PPP1R13B: variants seen among roughly 807,000 people sequenced by gnomAD.
PPP1R13B encodes the protein protein phosphatase 1 regulatory subunit 13B, also known as apoptosis-stimulating of p53 protein 1.
PPP1R13B carries 44 observed loss-of-function variants against 119.8 expected under a neutral mutation model. The ratio of observed to expected loss-of-function variants is 0.37; its 90% CI spans 0.29 to 0.47. PPP1R13B has a LOEUF of 0.47. Among genes scored for constraint, PPP1R13B ranks in the 20% least tolerant of loss-of-function variants. PPP1R13B has a pLI of 0.99. For synonymous variants in PPP1R13B, 542 were observed against 561.5 expected (o/e 0.97, Z 0.49); for missense variants, 1,227 against 1,413.5 (o/e 0.87, Z 2.12).
intron 3 of PPP1R13B, among the ~76,000 whole-genome samples, chr14:103,784,159 G>A (rs1233883416): frequency 6.6e-6 from 1 of 152,040 alleles, no homozygotes; most frequent in Non-Finnish European, 1.5e-5. Flanking sequence ...CTGGGTGACA[G>A]AGTGAGACTC....
At position 103,847,509 on chromosome 14, in the gene PPP1R13B, C is replaced by A; in HGVS notation, c.-202G>T. On this transcript the variant is annotated 5_prime_UTR_variant, in exon 1 of 17. Coordinates refer to ENST00000202556, the MANE Select transcript of PPP1R13B (RefSeq NM_015316.3). Reference sequence around the variant, plus strand: ...CCGCCGGCGCGCTGCGTCGCTGTCCCGGGCACCCGGCCGCCGCCGCCGCCG... The same window carrying A: ...CCGCCGGCGCGCTGCGTCGCTGTCCAGGGCACCCGGCCGCCGCCGCCGCCG... 1 of 985,100 alleles carries A rather than the reference C, an allele frequency of 1.0e-6. No individual in the cohort carries two copies. Among genetic ancestry groups the A allele is most frequent in the Non-Finnish European group, 1.2e-6 (1 of 830,736 alleles). The allele number at this position is 985,100 out of a possible 1,614,324, so 61.0% of individuals were successfully genotyped here.
chr14:103,813,719 G>A (rs1441883383), intron 1 of PPP1R13B, among the ~76,000 whole-genome samples: 2 of 152,068 alleles, frequency 1.3e-5, no homozygotes, highest in Non-Finnish European at 2.9e-5. Context: ...GTAACATAGG[G>A]TGTTTTCTCC....
intron 4 of PPP1R13B, among the ~76,000 whole-genome samples, chr14:103,770,985 T>C (rs1035234600): frequency 6.6e-6 from 1 of 152,162 alleles, no homozygotes; most frequent in African/African-American, 2.4e-5. Context: ...CATTCCATTG[T>C]GGAGAGTCCA....
chr14:103,746,781 A>T (rs2084396629), intron 8 of PPP1R13B: 2 of 375,120 alleles, frequency 5.3e-6, no homozygotes, highest in Non-Finnish European at 9.6e-6. Flanking sequence ...AGCTGTACAC[A>T]TGAGGAGCTG....
chr14:103,837,264 A>G (rs923697868), intron 1 of PPP1R13B, among the ~76,000 whole-genome samples: 4 of 152,226 alleles, frequency 2.6e-5, no homozygotes, highest in Non-Finnish European at 5.9e-5. Context: ...ACTATGCTAA[A>G]GCCACTGAAC....
At chr14:103,780,085 G>T (rs952810477) in intron 3 of PPP1R13B, among the ~76,000 whole-genome samples, 3 of 151,802 alleles carry the variant, frequency 2.0e-5, no homozygotes, top group Non-Finnish European at 4.4e-5. Flanking sequence ...GGAGGCGGAG[G>T]TTGCAGTGAG....
intron 2 of PPP1R13B, among the ~76,000 whole-genome samples, chr14:103,788,632 C>A (rs1304281311): frequency 1.3e-5 from 2 of 151,734 alleles, no homozygotes; most frequent in East Asian, 3.9e-4. Context: ...GAGGCTACGA[C>A]TGCCATTGCG....
chr14:103,751,810 AT>A (rs1372382217), intron 7 of PPP1R13B, among the ~76,000 whole-genome samples: 1 of 152,220 alleles, frequency 6.6e-6, no homozygotes, highest in East Asian at 1.9e-4. Flanking sequence ...TGGGAAATAA[AT>A]GTCTATAGTT....
intron 12 of PPP1R13B, 93 bp from the exon 13 acceptor site, chr14:103,739,116 C>G (rs1401273941): frequency 2.2e-5 from 34 of 1,515,298 alleles, no homozygotes; most frequent in Non-Finnish European, 2.7e-5. Flanking sequence ...GAGCTAAAGC[C>G]CAAAGACAGT....
chr14:103,739,984 T>C lies in PPP1R13B; in HGVS notation c.2432A>G (p.His811Arg), dbSNP rs751017254. Reference sequence around the variant, plus strand: ...GTCCTCTGCCGGCTCGGCAGTTTGGTGGGTGGTTTGGGGACAGATGAGCTC... The same window carrying C: ...GTCCTCTGCCGGCTCGGCAGTTTGGCGGGTGGTTTGGGGACAGATGAGCTC... ...PEELICPQTT[H>R]QTAEPAEDNN... The change falls in exon 12 of 17, where the codon CAC (histidine) becomes CGC (arginine). Residue 811 changes from histidine (H) to arginine (R), a missense_variant. Physicochemically the swap from His to Arg is conservative, Grantham distance 29. Coordinates refer to ENST00000202556, the MANE Select transcript of PPP1R13B (RefSeq NM_015316.3). 2 of 1,613,648 alleles carry C rather than the reference T, an allele frequency of 1.2e-6. No homozygotes were observed. Among genetic ancestry groups the C allele is most frequent in the South Asian group, 2.2e-5 (2 of 91,054 alleles).
In PPP1R13B at chr14:103,786,782, AAAAAAAG is replaced by A. The variant is rs1293483268; in HGVS notation, c.158-1875_158-1869del. Reference sequence around the variant, plus strand: ...ACTCTGTCTCAAAAAAAAAAAAAAAAAAAAAAGGCTGGTCATGGTGGTGCACGCCTGT... The same window carrying A: ...ACTCTGTCTCAAAAAAAAAAAAAAAAGCTGGTCATGGTGGTGCACGCCTGT... On this transcript the variant is annotated intron_variant, in intron 2 of 16. Transcript: ENST00000202556. Among the ~76,000 whole-genome samples the A allele has an allele frequency of 1.7e-4, 26 of 150,632 alleles. 1 individual carries two copies. The highest frequency in any genetic ancestry group is 3.3e-4 in the Admixed American group (5 of 15,122).
intron 4 of PPP1R13B, among the ~76,000 whole-genome samples, chr14:103,769,481 T>C (rs957970076): frequency 6.6e-6 from 1 of 151,986 alleles, no homozygotes; most frequent in Non-Finnish European, 1.5e-5. Context: ...CTCAAGTTAT[T>C]CTCTTGCCTT....
chr14:103,820,608 C>T (rs2086384754), intron 1 of PPP1R13B, among the ~76,000 whole-genome samples: 1 of 151,426 alleles, frequency 6.6e-6, no homozygotes, highest in African/African-American at 2.4e-5. Flanking sequence ...CCCACCTCAG[C>T]CTCACAAGTA....
intron 2 of PPP1R13B, among the ~76,000 whole-genome samples, chr14:103,791,451 G>T (rs1291812891): frequency 6.6e-6 from 1 of 152,186 alleles, no homozygotes; most frequent in African/African-American, 2.4e-5. Flanking sequence ...TTTCAGCCGG[G>T]AGCAGTGGCT....
At chr14:103,785,223 T>G (rs2085430862) in intron 2 of PPP1R13B, among the ~76,000 whole-genome samples, 1 of 120,004 alleles carries the variant, frequency 8.3e-6, no homozygotes, top group Non-Finnish European at 1.8e-5. Context: ...TCCCATTCAT[T>G]TGTTTGTTTG....
chr14:103,848,616 C>T (rs879860239), upstream of PPP1R13B: 8 of 531,726 alleles, frequency 1.5e-5, no homozygotes, highest in Non-Finnish European at 1.9e-5. Flanking sequence ...GCGTAAGCCG[C>T]CCTGGGAAGC....
At chr14:103,843,373 C>CAAA (rs557759120) in intron 1 of PPP1R13B, among the ~76,000 whole-genome samples, 1 of 143,334 alleles carries the variant, frequency 7.0e-6, no homozygotes, top group Admixed American at 7.0e-5. Context: ...GACTCTGTCT[C>CAAA]AAAAAAAAAA....
At chr14:103,811,984 T>C (rs1432610392) in intron 1 of PPP1R13B, among the ~76,000 whole-genome samples, 62 of 128,490 alleles carry the variant, frequency 4.8e-4, no homozygotes, top group Non-Finnish European at 5.0e-4. Context: ...GGCGTGAACC[T>C]GGGAGGCGGA....
At chr14:103,784,998 G>T in intron 2 of PPP1R13B, 84 bp from the exon 3 acceptor site, 1 of 1,264,670 alleles carries the variant, frequency 7.9e-7, no homozygotes, top group Non-Finnish European at 1.1e-6. Flanking sequence ...TTAAATGAAT[G>T]TATATATGCA....
Sources: allele counts gnomAD v4.1 joint callset (sites outside exome capture counted in the v4.1 genomes callset), GRCh38; gene constraint gnomAD v4.1.1; transcripts MANE v1.5; gene names NCBI Gene and HGNC (gene_info 2026-07-23, HGNC 2026-07-21).